ATE1: variants seen among roughly 807,000 people sequenced by gnomAD.
The protein encoded by ATE1 is arginyltransferase 1, also known as arginyl-tRNA--protein transferase 1.
ATE1 carries 36 observed loss-of-function variants against 70.5 expected under a neutral mutation model. The ratio of observed to expected loss-of-function variants is 0.51; its 90% confidence interval spans 0.39 to 0.67. The LOEUF (loss-of-function observed/expected upper bound fraction) is 0.67. Among genes scored for constraint, ATE1 ranks in the 30% least tolerant of loss-of-function variants. The pLI, the probability that ATE1 is intolerant of heterozygous loss-of-function variation, is 0.00. For synonymous variants in ATE1, 232 were observed against 219.3 expected (o/e 1.06, Z -0.51); for missense variants, 593 against 629.5 (o/e 0.94, Z 0.62).
chr10:121,763,740 G>T (rs892294650), intron 11 of ATE1, among the ~76,000 whole-genome samples: 1 of 152,112 alleles, frequency 6.6e-6, no homozygotes, highest in Non-Finnish European at 1.5e-5. Context: ...CCAGCCGGGC[G>T]CAGTGGCTCA....
intron 5 of ATE1, among the ~76,000 whole-genome samples, chr10:121,910,338 T>A (rs1951370609): frequency 6.6e-6 from 1 of 151,998 alleles, no homozygotes; most frequent in Non-Finnish European, 1.5e-5. Flanking sequence ...TTTAAAAGAG[T>A]CATATACACA....
intron 10 of ATE1, among the ~76,000 whole-genome samples, chr10:121,790,941 CAT>C (rs1173920264): frequency 2.4e-5 from 1 of 41,314 alleles, no homozygotes; most frequent in Non-Finnish European, 5.6e-5. Flanking sequence ...TTTATGTGTA[CAT>C]ATATATGTGT....
intron 7 of ATE1, among the ~76,000 whole-genome samples, chr10:121,884,756 T>G (rs1337130537): frequency 6.6e-6 from 1 of 152,194 alleles, no homozygotes; most frequent in Admixed American, 6.5e-5. Flanking sequence ...AGTAAATGAC[T>G]GAAAAGCTTT....
At position 121,742,652 on chromosome 10, in the gene ATE1, G is replaced by A. The variant is rs1944186419; in HGVS notation, c.*1028C>T. The A allele has an allele frequency of 6.6e-6, 1 of 152,254 alleles. No homozygotes were observed. The highest frequency in any genetic ancestry group is 2.4e-5 in the African/African-American group (1 of 41,466). The allele number at this position is 152,254 out of a possible 1,614,324, so 9.4% of individuals were successfully genotyped here. On this transcript the variant is annotated 3_prime_UTR_variant, in exon 12 of 12. Transcript: ENST00000224652. ...AGGAGGGGGCTGGCCTCTGCTCTGA[G>A]TTACTAAGGGTGGCAGAAGCCACCC...
intron 5 of ATE1, among the ~76,000 whole-genome samples, chr10:121,907,466 AAAAAAT>A (rs895657047): frequency 1.3e-5 from 2 of 151,656 alleles, no homozygotes; most frequent in Non-Finnish European, 2.9e-5. Flanking sequence ...CTGTGTCAAA[AAAAAAT>A]AAAGAAAAAG....
chr10:121,824,335 C>T (rs150338610), intron 10 of ATE1, among the ~76,000 whole-genome samples: 42 of 152,254 alleles, frequency 2.8e-4, no homozygotes, highest in African/African-American at 1.0e-3. Flanking sequence ...CATGCATCAC[C>T]CCGGCCTGCA....
chr10:121,769,560 C>T (rs1334793908), intron 11 of ATE1, among the ~76,000 whole-genome samples: 1 of 152,110 alleles, frequency 6.6e-6, no homozygotes, highest in African/African-American at 2.4e-5. Flanking sequence ...ACCTAGACTT[C>T]ATTAAAATTG....
intron 2 of ATE1, among the ~76,000 whole-genome samples, chr10:121,922,705 A>G (rs1019121823): frequency 1.3e-5 from 2 of 152,076 alleles, no homozygotes; most frequent in African/African-American, 2.4e-5. Flanking sequence ...CCAATCCCCA[A>G]TACCACAAGG....
At chr10:121,891,404 A>C (rs1340192052) in intron 7 of ATE1, among the ~76,000 whole-genome samples, 2 of 152,284 alleles carry the variant, frequency 1.3e-5, no homozygotes, top group East Asian at 3.9e-4. Flanking sequence ...CAGGAAAAAG[A>C]GGGCAGGAGA....
chr10:121,911,290 A>C (rs1293650620), intron 4 of ATE1, 139 bp from the exon 5 acceptor site: 62 of 1,095,510 alleles, frequency 5.7e-5, no homozygotes, highest in Non-Finnish European at 7.8e-5. Context: ...CCTCCAAAAT[A>C]AGAGAGCTGC....
chr10:121,862,834 C>A (rs1949523610), intron 8 of ATE1, among the ~76,000 whole-genome samples: 1 of 152,110 alleles, frequency 6.6e-6, no homozygotes, highest in Non-Finnish European at 1.5e-5. Flanking sequence ...ATAAGACACT[C>A]CTACCAGTGC....
intron 10 of ATE1, among the ~76,000 whole-genome samples, chr10:121,796,155 C>T (rs1392915133): frequency 6.6e-6 from 1 of 151,976 alleles, no homozygotes; most frequent in Non-Finnish European, 1.5e-5. Context: ...TGCTAGACAT[C>T]CTTTGCAAGT....
At chr10:121,814,180 A>G (rs1178817368) in intron 10 of ATE1, among the ~76,000 whole-genome samples, 1 of 152,226 alleles carries the variant, frequency 6.6e-6, no homozygotes, top group East Asian at 1.9e-4. Flanking sequence ...TTGACTAAAT[A>G]ATGTCTGAAG....
At chr10:121,834,071 C>A (rs1425993512) in intron 10 of ATE1, among the ~76,000 whole-genome samples, 3 of 152,218 alleles carry the variant, frequency 2.0e-5, no homozygotes, top group Admixed American at 2.0e-4. Context: ...CTAGGCAGTG[C>A]TACACTAGCT....
intron 3 of ATE1, among the ~76,000 whole-genome samples, chr10:121,920,703 C>A (rs183493226): frequency 2.2e-4 from 33 of 152,120 alleles, no homozygotes; most frequent in Non-Finnish European, 3.1e-4. Context: ...TTTAAGAAAA[C>A]TGGACTCTGG....
At chr10:121,922,275 G>GA in intron 3 of ATE1, 74 bp downstream of exon 3, 1 of 1,055,574 alleles carries the variant, frequency 9.5e-7, no homozygotes, top group Non-Finnish European at 1.4e-6. Context: ...CATTAAAAAA[G>GA]CACAAGAGAC....
At chr10:121,839,140 T>A (rs1948537257) in intron 9 of ATE1, among the ~76,000 whole-genome samples, 1 of 152,074 alleles carries the variant, frequency 6.6e-6, no homozygotes, top group Non-Finnish European at 1.5e-5. Context: ...GCCGCAACCA[T>A]CCCACCCTCA....
intron 11 of ATE1, among the ~76,000 whole-genome samples, chr10:121,765,836 T>C (rs568021339): frequency 6.6e-6 from 1 of 152,166 alleles, no homozygotes; most frequent in South Asian, 2.1e-4. Flanking sequence ...CAGACTTCCA[T>C]TTAATTTTAT....
At chr10:121,804,555 G>A (rs4752602) in intron 10 of ATE1, among the ~76,000 whole-genome samples, 80,933 of 151,826 alleles carry the variant, frequency 0.53, 21,721 homozygotes, top group Non-Finnish European at 0.55. Context: ...TGAAATTATG[G>A]TATTAGTCAT....
Sources: allele counts gnomAD v4.1 joint callset (sites outside exome capture counted in the v4.1 genomes callset), GRCh38; gene constraint gnomAD v4.1.1; transcripts MANE v1.5; gene names NCBI Gene and HGNC (gene_info 2026-07-23, HGNC 2026-07-21).